The following PPIL2 variants were observed in gnomAD, a reference collection of about 807,000 sequenced individuals.
PPIL2 encodes the protein peptidylprolyl isomerase like 2.
Under a neutral mutation model 75.2 loss-of-function variants are expected in PPIL2, and 50 were observed. The observed-to-expected ratio is 0.66, with a 90% CI of 0.53 to 0.84. The LOEUF (loss-of-function observed/expected upper bound fraction) is 0.84. Ranked by LOEUF, PPIL2 falls within the 40% of genes least tolerant of loss-of-function variation. The pLI is 0.00. For missense variants in PPIL2, 590 were observed against 685.0 expected (o/e 0.86, Z 1.55); for synonymous variants, 245 against 258.8 (o/e 0.95, Z 0.51).
intron 6 of PPIL2, among the ~76,000 whole-genome samples, chr22:21,676,573 C>T (rs1601527592): frequency 6.6e-6 from 1 of 151,788 alleles, no homozygotes; most frequent in South Asian, 2.1e-4. Context: ...TCTTAACTAG[C>T]ATGCTGCCTT....
At chr22:21,694,901 G>A in intron 18 of PPIL2, 36 bp from the exon 19 acceptor site, 2 of 1,607,572 alleles carry the variant, frequency 1.2e-6, no homozygotes, top group South Asian at 1.1e-5. Context: ...CCTGCCCGAG[G>A]TGCTGCCGGT....
intron 6 of PPIL2, among the ~76,000 whole-genome samples, chr22:21,680,848 A>AAC (rs1377319140): frequency 6.8e-6 from 1 of 147,978 alleles, no homozygotes; most frequent in Non-Finnish European, 1.5e-5. Context: ...AAAAAAAAAA[A>AAC]AAAAACAGAG....
intron 1 of PPIL2, among the ~76,000 whole-genome samples, chr22:21,668,522 G>A (rs1019404019): frequency 6.6e-6 from 1 of 150,652 alleles, no homozygotes; most frequent in African/African-American, 2.4e-5. Context: ...CCAGCTACTC[G>A]GGAGGCTGAG....
chr22:21,694,407 A>G (rs1353375548), intron 16 of PPIL2, among the ~76,000 whole-genome samples, 186 bp from the exon 17 acceptor site: 2 of 151,526 alleles, frequency 1.3e-5, no homozygotes, highest in African/African-American at 2.4e-5. Context: ...CCAGCTGGAT[A>G]TGCCCAGGGC....
In PPIL2 at chr22:21,696,998, T is replaced by A. The variant is rs2067964114; in HGVS notation, c.*1508T>A. 6.5e-7 allele frequency: 1 copy of A among 1,547,952 alleles called. No individual in the cohort carries two copies. The highest frequency in any genetic ancestry group is 8.7e-7 in the Non-Finnish European group (1 of 1,145,356). On this transcript the variant is annotated 3_prime_UTR_variant, in exon 20 of 20. Transcript: ENST00000398831. ...CTGCGCCATGGCTGGCTCCTTCTCTTCTCCAGCCCATCCCTCTGCAGCCTG... is the reference window on the plus strand; with the variant it reads ...CTGCGCCATGGCTGGCTCCTTCTCTACTCCAGCCCATCCCTCTGCAGCCTG...
chr22:21,690,210 C>A lies in PPIL2; in HGVS notation c.1139+1361C>A, dbSNP rs376700620. On this transcript the variant is annotated intron_variant, in intron 15 of 19. Transcript: ENST00000398831. ...GCAGCCTGGGCAACATGGCAAAACC[C>A]GATCTCTACAAAAAATAAAAAAAAT... Among the ~76,000 whole-genome samples the A allele has an allele frequency of 2.0e-5, 3 of 152,038 alleles. No individual in the cohort carries two copies. The East Asian group carries it at 5.8e-4, about 29-fold the overall frequency.
intron 16 of PPIL2, among the ~76,000 whole-genome samples, chr22:21,694,194 T>C (rs2067808625): frequency 6.6e-6 from 1 of 152,178 alleles, no homozygotes; most frequent in Non-Finnish European, 1.5e-5. Context: ...CAGGGGTCTT[T>C]CCAGCGTTGT....
Position 21,696,374 on chromosome 22 carries a change from C to T in PPIL2, c.*884C>T. On this transcript the variant is annotated 3_prime_UTR_variant, in exon 20 of 20. Coordinates refer to ENST00000398831, the MANE Select transcript of PPIL2 (RefSeq NM_014337.4). Reference sequence around the variant, plus strand: ...CTGCTGTGAGAACAAGTGGATGTCCCTCTCCCCGCCCTCCTGCTGAAGTGG... The same window carrying T: ...CTGCTGTGAGAACAAGTGGATGTCCTTCTCCCCGCCCTCCTGCTGAAGTGG... 8.7e-7 allele frequency: 1 copy of T among 1,147,128 alleles called. No homozygotes were observed. Among genetic ancestry groups the T allele is most frequent in the Non-Finnish European group, 1.1e-6 (1 of 924,726 alleles). The allele number at this position is 1,147,128 out of a possible 1,614,324, so 71.1% of individuals were successfully genotyped here.
Position 21,696,956 on chromosome 22 carries a change from C to T in PPIL2, c.*1466C>T. On this transcript the variant is annotated 3_prime_UTR_variant, in exon 20 of 20. Coordinates refer to ENST00000398831, the MANE Select transcript of PPIL2 (RefSeq NM_014337.4). The stretch of plus-strand genomic sequence containing the variant: ...TGCACACCAATCTGTGGCCCTTCAT[C>T]ATGCTAAGAACAAGAACTGCGCCAT... The T allele has an allele frequency of 1.3e-6, 2 of 1,574,020 alleles. No individual in the cohort carries two copies. The highest frequency in any genetic ancestry group is 1.7e-6 in the Non-Finnish European group (2 of 1,160,184).
intron 9 of PPIL2, 78 bp from the exon 10 acceptor site, chr22:21,684,675 C>T: frequency 6.4e-7 from 1 of 1,553,052 alleles, no homozygotes; most frequent in Non-Finnish European, 8.7e-7. Context: ...CTGGGCTATT[C>T]TAGATCTGTG....
At chr22:21,678,250 T>G (rs1175776501) in intron 6 of PPIL2, among the ~76,000 whole-genome samples, 1 of 152,152 alleles carries the variant, frequency 6.6e-6, no homozygotes, top group East Asian at 1.9e-4. Context: ...TCCTTTTTTC[T>G]TTTGAAATGA....
intron 7 of PPIL2, 79 bp downstream of exon 7, chr22:21,681,469 G>A: frequency 7.8e-7 from 1 of 1,282,410 alleles, no homozygotes; most frequent in Non-Finnish European, 1.1e-6. Flanking sequence ...TGGCTGGGCT[G>A]TGTGCTACGT....
chr22:21,694,241 G>T lies in PPIL2; in HGVS notation c.1197-352G>T, dbSNP rs75780317. On this transcript the variant is annotated intron_variant, in intron 16 of 19. Transcript: ENST00000398831. Reference sequence around the variant, plus strand: ...TCTCTGACGCCCACCCAGCTGTGTGGAAGCAGCACGAAACAGGGTGGACGC... The same window carrying T: ...TCTCTGACGCCCACCCAGCTGTGTGTAAGCAGCACGAAACAGGGTGGACGC... 4.1e-3 allele frequency among the ~76,000 whole-genome samples: 630 copies of T among 152,332 alleles called. 6 individuals carry two copies. Among genetic ancestry groups the T allele is most frequent in the African/African-American group, 0.014 (596 of 41,584 alleles).
chr22:21,666,043 G>A lies in PPIL2; in HGVS notation c.-57G>A. On this transcript the variant is annotated 5_prime_UTR_variant, in exon 1 of 20. Coordinates refer to ENST00000398831, the MANE Select transcript of PPIL2 (RefSeq NM_014337.4). ...CACGGAACTCGGCTGCGGCTCCATG[G>A]TCTGAGTTGTCAGCCGTTGTTTTTT... 6.3e-7 allele frequency: 1 copy of A among 1,597,520 alleles called. No homozygotes were observed. The highest frequency in any genetic ancestry group is 2.3e-5 in the East Asian group (1 of 44,370).
At chr22:21,670,939 A>C in intron 3 of PPIL2, 58 bp from the exon 4 acceptor site, 2 of 1,499,976 alleles carry the variant, frequency 1.3e-6, no homozygotes, top group South Asian at 2.3e-5. Context: ...AGTCTCAGCC[A>C]GCCCACATCC....
chr22:21,694,884 C>T (rs1407525136), intron 18 of PPIL2, 53 bp from the exon 19 acceptor site: 3 of 1,599,016 alleles, frequency 1.9e-6, no homozygotes, highest in Admixed American at 3.4e-5. Context: ...CCAAGCCTAG[C>T]ATCTGTCCTG....
At chr22:21,688,606 C>A in intron 14 of PPIL2, 126 bp from the exon 15 acceptor site, 2 of 864,476 alleles carry the variant, frequency 2.3e-6, no homozygotes, top group East Asian at 2.4e-5. Flanking sequence ...GGGAGCCTCC[C>A]TATCAAGTGC....
At chr22:21,673,766 G>A (rs2066726811) in intron 5 of PPIL2, among the ~76,000 whole-genome samples, 1 of 152,226 alleles carries the variant, frequency 6.6e-6, no homozygotes, top group Admixed American at 6.5e-5. Flanking sequence ...TGTCAGCAGA[G>A]CCTTGCTAGC....
Position 21,671,038 on chromosome 22 carries a change from A to G in PPIL2, c.170A>G (p.Asp57Gly). 1 of 1,612,784 alleles carries G rather than the reference A, an allele frequency of 6.2e-7. No homozygotes were observed. The change falls in exon 4 of 20, where the codon GAT (aspartate) becomes GGT (glycine). Residue 57 changes from aspartate to glycine, a missense_variant. By Grantham distance (94) the Asp-to-Gly change is moderately conservative. Coordinates refer to ENST00000398831, the MANE Select transcript of PPIL2 (RefSeq NM_014337.4). ...QPFVYPVCTPDGIVFDLLNIV... is the reference protein window; with the variant it reads ...QPFVYPVCTPGGIVFDLLNIV... ...TTTGTCTACCCAGTCTGCACTCCCG[A>G]TGGCATCGTCTTTGACTTACTGTGA...
Sources: gnomAD v4.1 joint callset for allele counts (sites outside exome capture counted in the v4.1 genomes callset) on GRCh38, gnomAD v4.1.1 for gene constraint, MANE v1.5 for transcripts, NCBI Gene and HGNC (gene_info 2026-07-23, HGNC 2026-07-21) for gene names.